Variants in GBA2 observed in about 807,000 individuals in gnomAD.
GBA2 encodes the protein glucosylceramidase beta 2.
In GBA2, 79 loss-of-function variants were observed where a neutral mutation model predicts 112.9. That is an observed-to-expected ratio of 0.70 (90% CI 0.58 to 0.84). GBA2 has a LOEUF of 0.84. GBA2 is among the 40% of genes least tolerant of loss of function. GBA2 has a pLI of 0.00. For missense variants in GBA2, 1,043 were observed against 1,190.0 expected, an observed-to-expected ratio of 0.88 and a Z score of 1.82; for synonymous variants, 403 against 434.3, an observed-to-expected ratio of 0.93 and a Z score of 0.90.
chr9:35,739,346 G>C lies in GBA2; in HGVS notation c.1656C>G (p.Pro552=), dbSNP rs748999427. ...CATACTGTAGGCTGAGCTCAAGTTT[G>C]GGCCAGAGCATGATGAGGGCAAAGG... ...YASFALIMLW[P]KLELSLQYDM... is the part of the protein sequence containing the mutation. The change falls in exon 10 of 17, where the codon CCC becomes CCG. Residue 552 remains proline, a synonymous_variant. Coordinates refer to ENST00000378103, the MANE Select transcript of GBA2 (RefSeq NM_020944.3). 2 of 1,612,782 alleles carry C rather than the reference G, an allele frequency of 1.2e-6. No homozygotes were observed.
rs1348913067 is a variant in GBA2, at chr9:35,737,626, A to G, written c.2505+122T>C. The G allele has an allele frequency of 6.3e-7, 1 of 1,587,896 alleles. No individual in the cohort carries two copies. The highest frequency in any genetic ancestry group is 8.6e-7 in the Non-Finnish European group (1 of 1,165,978). ...GGAGCTGGAATGCATACCAGGGAAAAATGGGAGGCTTTATAGACGGACAAG... is the reference window on the plus strand; with the variant it reads ...GGAGCTGGAATGCATACCAGGGAAAGATGGGAGGCTTTATAGACGGACAAG... On this transcript the variant is annotated intron_variant, in intron 16 of 16. Coordinates refer to ENST00000378103, the MANE Select transcript of GBA2 (RefSeq NM_020944.3). The surrounding 1 kb of genome is among the most constrained non-coding windows in gnomAD (Gnocchi z 4.1).
chr9:35,744,703 G>C lies in GBA2; in HGVS notation c.363C>G (p.Tyr121Ter). The change falls in exon 2 of 17, where the codon TAC becomes TAG. Residue 121 changes from tyrosine (Y) to a stop codon, truncating the protein, a stop_gained. Transcript: ENST00000378103. LOFTEE classifies it high-confidence loss of function. Reference sequence around the variant, plus strand: ...GGGTCTTCCGGTACCACCACTGCAGGTACCTGAGGAGCAAGAGGCAATGTG... The same window carrying C: ...GGGTCTTCCGGTACCACCACTGCAGCTACCTGAGGAGCAAGAGGCAATGTG... Reference protein sequence around the residue: ...MIKHIGMGLRYLQWWYRKTHV... With the variant: ...MIKHIGMGLR 1 of 1,586,720 alleles carries C rather than the reference G, an allele frequency of 6.3e-7. No homozygotes were observed. Among genetic ancestry groups the C allele is most frequent in the Non-Finnish European group, 8.7e-7 (1 of 1,154,998 alleles).
rs774358705 is a variant in GBA2 at position 35,737,947 on chromosome 9, G to A, written c.2314-8C>T. The A allele has an allele frequency of 2.4e-5, 39 of 1,608,304 alleles. No individual in the cohort carries two copies. The highest frequency in any genetic ancestry group is 3.1e-5 in the Non-Finnish European group (37 of 1,177,546). On this transcript the variant is annotated splice_polypyrimidine_tract_variant and splice_region_variant and intron_variant, in intron 15 of 16. Transcript: ENST00000378103. The surrounding 1 kb of genome is among the most constrained non-coding windows in gnomAD (Gnocchi z 4.1). ...ATGTTGGGTAGGAAACACCTGGAGG[G>A]GCAAGGGCAGGAACATGGTCTCATA...
rs1826289367 is a variant in GBA2 at position 35,737,527 on chromosome 9, A to G, written c.2506-80T>C. The G allele has an allele frequency of 6.4e-7, 1 of 1,566,462 alleles. No homozygotes were observed. Among genetic ancestry groups the G allele is most frequent in the Non-Finnish European group, 8.7e-7 (1 of 1,154,210 alleles). On this transcript the variant is annotated intron_variant, in intron 16 of 16. Transcript: ENST00000378103. The surrounding 1 kb of genome is among the most constrained non-coding windows in gnomAD (Gnocchi z 4.1). ...CTTCCACTGGATAGATGGAGGCAGT[A>G]GAGTCTTTGCCTTCAAGGAGCTCCC...
rs1424143333 is a variant in GBA2 at position 35,748,700 on chromosome 9, C to A, written c.5G>T (p.Gly2Val). The change falls in exon 1 of 17, where the codon GGG (glycine) becomes GTG (valine). Residue 2 changes from glycine to valine, a missense_variant. Coordinates refer to ENST00000378103, the MANE Select transcript of GBA2 (RefSeq NM_020944.3). ...TCCCATGTTCCCTGGATCCTGGGTC[C>A]CCATGACCTCGATGGCGCCAAGTCC... M[G>V]TQDPGNMGTG... The A allele has an allele frequency of 6.5e-7, 1 of 1,542,860 alleles. No homozygotes were observed. Among genetic ancestry groups the A allele is most frequent in the Middle Eastern group, 2.0e-4 (1 of 4,888 alleles).
rs781707357 is a variant in GBA2, at chr9:35,740,121, C to T, written c.1286G>A (p.Arg429Gln). ...FGAKGQVHYRRYTRFFGQDGD... is the reference protein window; with the variant it reads ...FGAKGQVHYRQYTRFFGQDGD... ...ATCCTGGCCAAAGAACCTTGTATAC[C>T]GCCTGGGGTGGGAAGGGGAAGGATG... The change falls in exon 8 of 17, where the codon CGG becomes CAG. Residue 429 changes from arginine (R) to glutamine (Q), a missense_variant and splice_region_variant. Transcript: ENST00000378103. This position sits in a 1 kb window ranked among gnomAD's most constrained non-coding sequence, Gnocchi z 4.7. 7.4e-6 allele frequency: 12 copies of T among 1,613,964 alleles called. No individual in the cohort carries two copies. Among genetic ancestry groups the T allele is most frequent in the East Asian group, 6.7e-5 (3 of 44,884 alleles).
chr9:35,743,431 A>G (rs1269480032), intron 3 of GBA2: 1 of 153,484 alleles, frequency 6.5e-6, no homozygotes, highest in African/African-American at 2.4e-5. Flanking sequence ...TAAGCATGCA[A>G]TAATTACTTT....
intron 3 of GBA2, among the ~76,000 whole-genome samples, chr9:35,742,633 C>T (rs924415057): frequency 6.6e-6 from 1 of 152,118 alleles, no homozygotes; most frequent in South Asian, 2.1e-4. Flanking sequence ...CACTGATGCA[C>T]CCTTCTTCAG....
chr9:35,737,103 G>A lies in GBA2; in HGVS notation c.*66C>T. On this transcript the variant is annotated 3_prime_UTR_variant, in exon 17 of 17. Transcript: ENST00000378103. This position sits in a 1 kb window ranked among gnomAD's most constrained non-coding sequence, Gnocchi z 4.1. ...GGCTCAGGGTTGCAGGAGGTTCAGA[G>A]GGGAAGGAGGAAAGGCCAGGCTGGA... The A allele has an allele frequency of 3.2e-6, 5 of 1,554,488 alleles. No homozygotes were observed. In the South Asian group the frequency reaches 4.8e-5, roughly 15 times the overall value.
Position 35,737,930 on chromosome 9 carries a change from T to C in GBA2, c.2323A>G (p.Thr775Ala). Residue 775 changes from threonine (T) to alanine (A), a missense_variant, in exon 16 of 17, where the codon ACC becomes GCC. Physicochemically the swap from Thr to Ala is moderately conservative, Grantham distance 58. Transcript: ENST00000378103. The surrounding 1 kb of genome is among the most constrained non-coding windows in gnomAD (Gnocchi z 4.1). The stretch of plus-strand genomic sequence containing the variant: ...TGGAGAGCACGGACCACATGTTGGG[T>C]AGGAAACACCTGGAGGGGCAAGGGC... Reference protein sequence around the residue: ...LGEGDTEVFPTQHVVRALQTI... With the variant: ...LGEGDTEVFPAQHVVRALQTI... 6.2e-7 allele frequency: 1 copy of C among 1,610,622 alleles called. No individual in the cohort carries two copies. The highest frequency in any genetic ancestry group is 2.2e-5 in the East Asian group (1 of 44,822).
chr9:35,748,794 GTCCC>G lies in GBA2; in HGVS notation c.-94_-91del. On this transcript the variant is annotated 5_prime_UTR_variant, in exon 1 of 17. It removes the in-frame stop codon of an upstream open reading frame in the 5' UTR. Coordinates refer to ENST00000378103, the MANE Select transcript of GBA2 (RefSeq NM_020944.3). ...CGGGCGCCGGTCGTTGTTAGGTATCGTCCCGGAGGGCCGGGCGTTGGGGAAAGCT... is the reference window on the plus strand; with the variant it reads ...CGGGCGCCGGTCGTTGTTAGGTATCGGGAGGGCCGGGCGTTGGGGAAAGCT... 1 of 779,720 alleles carries G rather than the reference GTCCC, an allele frequency of 1.3e-6. No homozygotes were observed. The highest frequency in any genetic ancestry group is 2.4e-5 in the Admixed American group (1 of 41,652). The allele number at this position is 779,720 out of a possible 1,614,324, so 48.3% of individuals were successfully genotyped here.
chr9:35,738,675 AG>A, intron 12 of GBA2, 43 bp from the exon 13 acceptor site: 4 of 1,600,026 alleles, frequency 2.5e-6, no homozygotes, highest in Non-Finnish European at 3.4e-6. Flanking sequence ...TACCGAGGAA[AG>A]GCAACAACCA....
At chr9:35,738,679 A>T in intron 12 of GBA2, 47 bp from the exon 13 acceptor site, 1 of 1,603,064 alleles carries the variant, frequency 6.2e-7, no homozygotes, top group Non-Finnish European at 8.5e-7. Flanking sequence ...GAGGAAAGGC[A>T]ACAACCAGCT....
intron 10 of GBA2, 85 bp downstream of exon 10, chr9:35,739,230 G>A: frequency 9.3e-7 from 1 of 1,079,870 alleles, no homozygotes; most frequent in Non-Finnish European, 1.4e-6. Context: ...GAAGGGAAGG[G>A]AAAGAAGAGA....
chr9:35,737,632 A>G lies in GBA2; in HGVS notation c.2505+116T>C, dbSNP rs1463939227. 2.5e-6 allele frequency: 4 copies of G among 1,592,714 alleles called. No individual in the cohort carries two copies. The highest frequency in any genetic ancestry group is 3.4e-6 in the Non-Finnish European group (4 of 1,168,592). On this transcript the variant is annotated intron_variant, in intron 16 of 16. Coordinates refer to ENST00000378103, the MANE Select transcript of GBA2 (RefSeq NM_020944.3). The surrounding 1 kb of genome is among the most constrained non-coding windows in gnomAD (Gnocchi z 4.1). Reference sequence around the variant, plus strand: ...GGAATGCATACCAGGGAAAAATGGGAGGCTTTATAGACGGACAAGATGGCA... The same window carrying G: ...GGAATGCATACCAGGGAAAAATGGGGGGCTTTATAGACGGACAAGATGGCA...
chr9:35,737,440 G>A lies in GBA2; in HGVS notation c.2513C>T (p.Thr838Ile), dbSNP rs1426952808. 3 of 1,613,630 alleles carry A rather than the reference G, an allele frequency of 1.9e-6. No homozygotes were observed. The highest frequency in any genetic ancestry group is 2.5e-6 in the Non-Finnish European group (3 of 1,179,722). Residue 838 changes from threonine (T) to isoleucine (I), a missense_variant, in exon 17 of 17, where the codon ACT becomes ATT. Thr to Ile is a moderately conservative substitution (Grantham distance 89). Coordinates refer to ENST00000378103, the MANE Select transcript of GBA2 (RefSeq NM_020944.3). The surrounding 1 kb of genome is among the most constrained non-coding windows in gnomAD (Gnocchi z 4.1). ...TTCAGCTGTCTGGAAGCCCTCCCAAGTCAGGCCCTGTTGGGAGAGATGACA... is the reference window on the plus strand; with the variant it reads ...TTCAGCTGTCTGGAAGCCCTCCCAAATCAGGCCCTGTTGGGAGAGATGACA... Reference protein sequence around the residue: ...LAATMIQEGLTWEGFQTAEGC... With the variant: ...LAATMIQEGLIWEGFQTAEGC...
Position 35,748,429 on chromosome 9 carries a change from A to T in GBA2, c.276T>A (p.His92Gln). ...PPFGWRICLA[H>Q]EFTEKRKPFQ... ...AGGGTTTCCTCTTCTCTGTAAACTC[A>T]TGAGCCAGACAGATGCGCCAGCCAA... The change falls in exon 1 of 17, where the codon CAT becomes CAA. Residue 92 changes from histidine (H) to glutamine (Q), a missense_variant. Coordinates refer to ENST00000378103, the MANE Select transcript of GBA2 (RefSeq NM_020944.3). 6.2e-7 allele frequency: 1 copy of T among 1,614,194 alleles called. No individual in the cohort carries two copies. Among genetic ancestry groups the T allele is most frequent in the Non-Finnish European group, 8.5e-7 (1 of 1,180,020 alleles).
Position 35,738,143 on chromosome 9 carries a change from T to C in GBA2, c.2207A>G (p.Tyr736Cys). 6.2e-7 allele frequency: 1 copy of C among 1,613,880 alleles called. No homozygotes were observed. Among genetic ancestry groups the C allele is most frequent in the Non-Finnish European group, 8.5e-7 (1 of 1,179,738 alleles). Residue 736 changes from tyrosine (Y) to cysteine (C), a missense_variant, in exon 15 of 17, where the codon TAC becomes TGC. Transcript: ENST00000378103. The stretch of plus-strand genomic sequence containing the variant: ...AGGCCGAGAGCTGCTGTCATAGTTG[T>C]AATAGCGGCCTGGAGTCGAGGAAGA... Reference protein sequence around the residue: ...YERLLWNGRYYNYDSSSRPQS... With the variant: ...YERLLWNGRYCNYDSSSRPQS...
intron 8 of GBA2, 57 bp from the exon 9 acceptor site, chr9:35,739,857 G>C: frequency 6.4e-7 from 1 of 1,573,784 alleles, no homozygotes; most frequent in Non-Finnish European, 8.7e-7. Context: ...AAGATGGAAA[G>C]GATTTGGGGG....
Sources: gnomAD v4.1 joint callset for allele counts (sites outside exome capture counted in the v4.1 genomes callset) on GRCh38, gnomAD v4.1.1 for gene constraint, Gnocchi (gnomAD v3.1) non-coding constraint, MANE v1.5 for transcripts, NCBI Gene and HGNC (gene_info 2026-07-23, HGNC 2026-07-21) for gene names.